The following GRID1 variants were observed in gnomAD, a reference collection of about 807,000 sequenced individuals.
The protein encoded by GRID1 is glutamate ionotropic receptor delta type subunit 1, also known as glutamate receptor ionotropic, delta-1.
GRID1 carries 28 observed loss-of-function variants against 98.0 expected under a neutral mutation model. The ratio of observed to expected loss-of-function variants is 0.29; its 90% CI spans 0.21 to 0.39. GRID1 has a LOEUF of 0.39. GRID1 is among the 10% of genes least tolerant of loss of function. The pLI, the probability that GRID1 is intolerant of heterozygous loss-of-function variation, is 1.00. For synonymous variants in GRID1, 553 were observed against 538.5 expected, an observed-to-expected ratio of 1.03 and a Z score of -0.37; for missense variants, 1,111 against 1,340.5, an observed-to-expected ratio of 0.83 and a Z score of 2.67.
intron 12 of GRID1, among the ~76,000 whole-genome samples, chr10:85,667,978 C>T (rs1841042270): frequency 6.6e-6 from 1 of 152,214 alleles, no homozygotes; most frequent in Non-Finnish European, 1.5e-5. Context: ...AAAGGCCAGC[C>T]ATGCAGAATC....
chr10:85,769,722 C>T (rs1241726782), intron 8 of GRID1, among the ~76,000 whole-genome samples: 2 of 152,204 alleles, frequency 1.3e-5, no homozygotes, highest in East Asian at 3.9e-4. Context: ...TCGCTGATTG[C>T]TAACAAAGCA....
chr10:86,278,161 C>T (rs1317233368), intron 2 of GRID1, among the ~76,000 whole-genome samples: 1 of 152,036 alleles, frequency 6.6e-6, no homozygotes, highest in Non-Finnish European at 1.5e-5. Flanking sequence ...AGGTAAATGA[C>T]TCATTTTACA....
chr10:85,954,146 G>C (rs930984391), intron 4 of GRID1, among the ~76,000 whole-genome samples: 4 of 152,146 alleles, frequency 2.6e-5, no homozygotes, highest in African/African-American at 9.7e-5. Context: ...TGGAAAGAAG[G>C]GGAGCCAGTA....
intron 8 of GRID1, among the ~76,000 whole-genome samples, chr10:85,755,976 G>A (rs1287213582): frequency 6.6e-6 from 1 of 151,920 alleles, no homozygotes; most frequent in Admixed American, 6.6e-5. Context: ...TCTCACTGTG[G>A]TCATCTCTCT....
chr10:86,302,483 C>T (rs1847702978), intron 2 of GRID1, among the ~76,000 whole-genome samples: 1 of 152,208 alleles, frequency 6.6e-6, no homozygotes, highest in African/African-American at 2.4e-5. Flanking sequence ...TGCCTACAAC[C>T]TCACATGGCC....
rs1405353617 is a variant in GRID1, at chr10:86,365,011, C to T, written c.80-915G>A. On this transcript the variant is annotated intron_variant, in intron 1 of 15. Coordinates refer to ENST00000327946, the MANE Select transcript of GRID1 (RefSeq NM_017551.3). The surrounding 1 kb of genome is among the most constrained non-coding windows in gnomAD (Gnocchi z 4.8). ...GGAGTCAGCCACCCACATCCCGCCTCACCAAGCCTCGAGGGTCCCTGAGGT... is the reference window on the plus strand; with the variant it reads ...GGAGTCAGCCACCCACATCCCGCCTTACCAAGCCTCGAGGGTCCCTGAGGT... Among the ~76,000 whole-genome samples, 1 of 152,194 alleles carries T rather than the reference C, an allele frequency of 6.6e-6. No homozygotes were observed. The highest frequency in any genetic ancestry group is 2.4e-5 in the African/African-American group (1 of 41,438).
At chr10:86,279,341 C>A (rs768335269) in intron 2 of GRID1, among the ~76,000 whole-genome samples, 6 of 152,084 alleles carry the variant, frequency 3.9e-5, no homozygotes, top group Non-Finnish European at 8.8e-5. Context: ...GCCTTATAAA[C>A]GAAGATAACC....
chr10:86,197,526 G>A (rs1183226584), intron 3 of GRID1, among the ~76,000 whole-genome samples: 1 of 152,030 alleles, frequency 6.6e-6, no homozygotes, highest in East Asian at 1.9e-4. Flanking sequence ...GGGAGTGTGG[G>A]TCTGGCAGGA....
At chr10:85,807,357 A>G (rs1012603600) in intron 8 of GRID1, among the ~76,000 whole-genome samples, 1 of 127,492 alleles carries the variant, frequency 7.8e-6, no homozygotes, top group Non-Finnish European at 1.6e-5. Context: ...CTCCTCAAAT[A>G]AAAAAAAAAA....
chr10:85,846,561 T>C (rs756932674), intron 8 of GRID1, among the ~76,000 whole-genome samples: 2 of 152,048 alleles, frequency 1.3e-5, no homozygotes, highest in Non-Finnish European at 2.9e-5. Flanking sequence ...ACAATTATTA[T>C]GCAGCAGGCA....
At chr10:86,332,467 G>A (rs1297144504) in intron 2 of GRID1, among the ~76,000 whole-genome samples, 1 of 152,038 alleles carries the variant, frequency 6.6e-6, no homozygotes, top group South Asian at 2.1e-4. Context: ...CCCTGGGATG[G>A]CCTCTCACCC....
At chr10:86,268,358 G>T (rs1236854329) in intron 2 of GRID1, among the ~76,000 whole-genome samples, 1 of 152,240 alleles carries the variant, frequency 6.6e-6, no homozygotes, top group Non-Finnish European at 1.5e-5. Flanking sequence ...ACAGCATTTG[G>T]ATACTGGCTG....
intron 4 of GRID1, among the ~76,000 whole-genome samples, chr10:86,066,949 C>T (rs1253994235): frequency 6.6e-6 from 1 of 152,200 alleles, no homozygotes; most frequent in Non-Finnish European, 1.5e-5. Flanking sequence ...GCCACTGTCA[C>T]ACCTGTCATG....
chr10:85,912,363 G>A (rs1841551326), intron 5 of GRID1, among the ~76,000 whole-genome samples: 2 of 152,170 alleles, frequency 1.3e-5, no homozygotes, highest in South Asian at 4.1e-4. Flanking sequence ...CTGTTGGTAG[G>A]ACTCACACTC....
At chr10:86,159,629 G>A (rs1475519214) in intron 3 of GRID1, among the ~76,000 whole-genome samples, 3 of 152,204 alleles carry the variant, frequency 2.0e-5, no homozygotes, top group Non-Finnish European at 4.4e-5. Flanking sequence ...ATTTCTGTTA[G>A]AGCTGGGCCA....
intron 12 of GRID1, chr10:85,650,032 G>C (rs966602697): frequency 1.3e-5 from 2 of 152,130 alleles, no homozygotes; most frequent in African/African-American, 4.8e-5. Flanking sequence ...CTTATTCCAG[G>C]GTGAATAAAC....
chr10:86,228,591 C>T (rs1198131626), intron 2 of GRID1, among the ~76,000 whole-genome samples: 3 of 152,034 alleles, frequency 2.0e-5, no homozygotes, highest in Non-Finnish European at 4.4e-5. Context: ...GTGTTGGCCC[C>T]GTATGAGGGA....
At chr10:86,020,017 A>G (rs1843029185) in intron 4 of GRID1, among the ~76,000 whole-genome samples, 1 of 152,256 alleles carries the variant, frequency 6.6e-6, no homozygotes, top group African/African-American at 2.4e-5. Flanking sequence ...ACCATGGGGA[A>G]AACCATGACA....
At chr10:85,913,063 T>C (rs1435161097) in intron 5 of GRID1, among the ~76,000 whole-genome samples, 1 of 152,154 alleles carries the variant, frequency 6.6e-6, no homozygotes, top group Non-Finnish European at 1.5e-5. Flanking sequence ...CCACGGTCCT[T>C]AACCAGAGGC....
Sources: gnomAD v4.1 joint callset for allele counts (sites outside exome capture counted in the v4.1 genomes callset) on GRCh38, gnomAD v4.1.1 for gene constraint, Gnocchi (gnomAD v3.1) non-coding constraint, MANE v1.5 for transcripts, NCBI Gene and HGNC (gene_info 2026-07-23, HGNC 2026-07-21) for gene names.